The following MYOM3 variants were observed in gnomAD, a reference collection of about 807,000 sequenced individuals.
MYOM3 encodes myomesin 3, also known as myomesin-3.
Under a neutral mutation model 191.7 loss-of-function variants are expected in MYOM3, and 155 were observed. The ratio of observed to expected loss-of-function variants is 0.81; its 90% CI spans 0.71 to 0.92. The LOEUF (loss-of-function observed/expected upper bound fraction) is 0.92, where lower values mean the gene tolerates loss of function less well. Ranked by LOEUF, MYOM3 falls within the 40% of genes least tolerant of loss-of-function variation. The pLI, the probability that MYOM3 is intolerant of heterozygous loss-of-function variation, is 0.00. For missense variants in MYOM3, 1,889 were observed against 1,890.6 expected, an observed-to-expected ratio of 1.00 and a Z score of 0.02; for synonymous variants, 757 against 762.9, an observed-to-expected ratio of 0.99 and a Z score of 0.13.
chr1:24,073,646 C>CGAGGTCAG (rs1643559003), intron 23 of MYOM3, among the ~76,000 whole-genome samples: 1 of 151,940 alleles, frequency 6.6e-6, no homozygotes, highest in African/African-American at 2.4e-5. Flanking sequence ...GGGCGGATCA[C>CGAGGTCAG]GAGGTCAGGA....
rs776572912 is a variant in MYOM3 at position 24,057,562 on chromosome 1, G to T, written c.4116C>A (p.Asp1372Glu). Residue 1372 changes from aspartate to glutamate, a missense_variant, in exon 37 of 37, where the codon GAC becomes GAA. Transcript: ENST00000374434. The stretch of plus-strand genomic sequence containing the variant: ...ATCGGTCAAGGAAGGTGACAGGCTG[G>T]TCATTCTTCAGCCAAGAGATTTCAG... ...PTPEISWLKN[D>E]QPVTFLDRYR... 2 of 1,614,036 alleles carry T rather than the reference G, an allele frequency of 1.2e-6. No homozygotes were observed. Among genetic ancestry groups the T allele is most frequent in the African/African-American group, 1.3e-5 (1 of 75,012 alleles).
Position 24,063,096 on chromosome 1 carries a change from G to A in MYOM3, c.3770+30C>T. ...TCAGGTGCTGAATCCTTTCCAGCCT[G>A]GCTGGGGTTCTGGGGCAAGGCGGAC... On this transcript the variant is annotated intron_variant, in intron 32 of 36. Transcript: ENST00000374434. This position sits in a 1 kb window ranked among gnomAD's most constrained non-coding sequence, Gnocchi z 4.5. 1 of 1,496,484 alleles carries A rather than the reference G, an allele frequency of 6.7e-7. No homozygotes were observed. Among genetic ancestry groups the A allele is most frequent in the Non-Finnish European group, 9.3e-7 (1 of 1,074,304 alleles). 92.7% of individuals were successfully genotyped at this position (1,496,484 alleles called of 1,614,324 possible).
intron 6 of MYOM3, 124 bp from the exon 7 acceptor site, chr1:24,098,135 G>A: frequency 1.4e-6 from 1 of 693,266 alleles, no homozygotes; most frequent in Non-Finnish European, 2.6e-6. Flanking sequence ...AAGAGACTTT[G>A]GTCATTATCT....
intron 5 of MYOM3, among the ~76,000 whole-genome samples, chr1:24,102,377 C>T (rs1643943816): frequency 6.6e-6 from 1 of 152,176 alleles, no homozygotes; most frequent in Non-Finnish European, 1.5e-5. Flanking sequence ...GACACCTCAG[C>T]CTGGCCAGCT....
intron 25 of MYOM3, among the ~76,000 whole-genome samples, chr1:24,070,444 T>C (rs1241240481): frequency 6.6e-6 from 1 of 151,072 alleles, no homozygotes; most frequent in Non-Finnish European, 1.5e-5. Context: ...AAAAATTAGC[T>C]GGGCGTGGTG....
intron 20 of MYOM3, 79 bp from the exon 21 acceptor site, chr1:24,076,352 C>T: frequency 9.8e-7 from 1 of 1,021,470 alleles, no homozygotes; most frequent in Non-Finnish European, 1.5e-6. Context: ...AGCAGGGAGC[C>T]ACTCTCAATA....
Position 24,094,843 on chromosome 1 carries a change from G to C in MYOM3, c.928+10C>G. The C allele has an allele frequency of 6.2e-7, 1 of 1,607,974 alleles. No homozygotes were observed. The highest frequency in any genetic ancestry group is 1.1e-5 in the South Asian group (1 of 89,960). Reference sequence around the variant, plus strand: ...TCTGGAGGCTGGGGGCCAGGACTGGGGGTCCTTACCATCTCGGAACCACTG... The same window carrying C: ...TCTGGAGGCTGGGGGCCAGGACTGGCGGTCCTTACCATCTCGGAACCACTG... On this transcript the variant is annotated intron_variant, in intron 9 of 36. Transcript: ENST00000374434.
At chr1:24,086,904 T>A in intron 14 of MYOM3, 77 bp from the exon 15 acceptor site, 1 of 1,438,272 alleles carries the variant, frequency 7.0e-7, no homozygotes, top group Non-Finnish European at 9.6e-7. Context: ...CCATGATCTC[T>A]GTCCCCAGCC....
At chr1:24,105,816 G>A in intron 5 of MYOM3, 104 bp downstream of exon 5, 1 of 1,203,408 alleles carries the variant, frequency 8.3e-7, no homozygotes, top group South Asian at 1.6e-5. Flanking sequence ...ACAGAGCTCA[G>A]GGTTCACAGG....
intron 33 of MYOM3, among the ~76,000 whole-genome samples, 169 bp from the exon 34 acceptor site, chr1:24,061,478 C>T (rs1398694688): frequency 6.6e-5 from 10 of 152,170 alleles, no homozygotes; most frequent in Admixed American, 6.5e-4. Context: ...TAGGCGTACC[C>T]TCAGAAGACC....
intron 15 of MYOM3, among the ~76,000 whole-genome samples, 170 bp from the exon 16 acceptor site, chr1:24,084,809 G>A (rs1272620656): frequency 6.6e-6 from 1 of 152,076 alleles, no homozygotes; most frequent in Non-Finnish European, 1.5e-5. Flanking sequence ...GCCCAGAAGT[G>A]TATCCTAAAA....
At chr1:24,082,570 G>A in intron 17 of MYOM3, 23 bp downstream of exon 17, 1 of 1,562,706 alleles carries the variant, frequency 6.4e-7, no homozygotes, top group South Asian at 1.2e-5. Context: ...AGGTTTGCAG[G>A]CTGGACCTGC....
At chr1:24,082,745 GTACAA>G in intron 16 of MYOM3, 31 bp from the exon 17 acceptor site, 1 of 1,562,044 alleles carries the variant, frequency 6.4e-7, no homozygotes. Flanking sequence ...TTTCATGGAT[GTACAA>G]ACAGCCTGGA....
intron 32 of MYOM3, among the ~76,000 whole-genome samples, chr1:24,062,647 C>A (rs1202645145): frequency 6.6e-6 from 1 of 152,180 alleles, no homozygotes. Flanking sequence ...CAAGCCCTGG[C>A]TCTCAGTTAG....
intron 5 of MYOM3, among the ~76,000 whole-genome samples, chr1:24,101,317 T>G (rs1300263159): frequency 6.6e-6 from 1 of 152,194 alleles, no homozygotes. Flanking sequence ...GAAAACAAGC[T>G]TCTAGCTTAT....
At chr1:24,076,315 A>T (rs753321140) in intron 20 of MYOM3, 42 bp from the exon 21 acceptor site, 1 of 1,459,946 alleles carries the variant, frequency 6.8e-7, no homozygotes, top group African/African-American at 1.4e-5. Context: ...GACAGCAGTG[A>T]CTCTTCCTGA....
At chr1:24,092,386 G>A (rs1045027677) in intron 10 of MYOM3, 71 bp from the exon 11 acceptor site, 30 of 1,277,170 alleles carry the variant, frequency 2.3e-5, no homozygotes, top group Admixed American at 1.8e-4. Flanking sequence ...TCCCACTCCC[G>A]CCCAGCATCC....
At chr1:24,060,378 G>C (rs11590667) in intron 35 of MYOM3, among the ~76,000 whole-genome samples, 1 of 152,168 alleles carries the variant, frequency 6.6e-6, no homozygotes, top group Admixed American at 6.5e-5. Flanking sequence ...CACGCAGAGC[G>C]AATTATCCCC....
In MYOM3 at chr1:24,074,144, G is replaced by A. The variant is rs769666879; in HGVS notation, c.2968+16C>T. The A allele has an allele frequency of 1.9e-6, 3 of 1,594,720 alleles. No homozygotes were observed. The highest frequency in any genetic ancestry group is 2.6e-6 in the Non-Finnish European group (3 of 1,163,512). ...TCTCTCTGGGGAGGTGGCAGGGAGC[G>A]GGGTAGGTGCATTACCTTCCTCGGT... On this transcript the variant is annotated intron_variant, in intron 23 of 36. Coordinates refer to ENST00000374434, the MANE Select transcript of MYOM3 (RefSeq NM_152372.4).
Sources: allele counts gnomAD v4.1 joint callset (sites outside exome capture counted in the v4.1 genomes callset), GRCh38; gene constraint gnomAD v4.1.1; non-coding constraint Gnocchi (gnomAD v3.1); transcripts MANE v1.5; gene names NCBI Gene and HGNC (gene_info 2026-07-23, HGNC 2026-07-21).